HSPH1: variants seen among roughly 807,000 people sequenced by gnomAD.
The protein encoded by HSPH1 is heat shock protein family H (Hsp110) member 1, also known as heat shock protein 105 kDa.
In HSPH1, 40 loss-of-function variants were observed where a neutral mutation model predicts 100.0. That is an observed-to-expected ratio of 0.40 (90% CI 0.31 to 0.52). The LOEUF (loss-of-function observed/expected upper bound fraction) is 0.52, where lower values mean the gene tolerates loss of function less well. Among genes scored for constraint, HSPH1 ranks in the 20% least tolerant of loss-of-function variants. The probability of loss-of-function intolerance (pLI) is 0.54; values close to 1 mark genes in which losing one functional copy is unlikely to be tolerated. For synonymous variants in HSPH1, 403 were observed against 344.0 expected, an observed-to-expected ratio of 1.17 and a Z score of -1.90; for missense variants, 876 against 1,015.1, an observed-to-expected ratio of 0.86 and a Z score of 1.86.
chr13:31,159,839 A>T (rs1000463119), intron 1 of HSPH1, among the ~76,000 whole-genome samples: 7 of 152,158 alleles, frequency 4.6e-5, no homozygotes, highest in Non-Finnish European at 1.0e-4. Flanking sequence ...ATAAAATAGC[A>T]TCCTAAAAGC....
chr13:31,152,482 A>T (rs1052949986), intron 5 of HSPH1: 1 of 214,666 alleles, frequency 4.7e-6, no homozygotes, highest in Non-Finnish European at 9.3e-6. Context: ...TTCAGTAGAT[A>T]AAAAAAAATT....
At chr13:31,160,973 C>T (rs1956879582) in intron 1 of HSPH1, among the ~76,000 whole-genome samples, 1 of 152,188 alleles carries the variant, frequency 6.6e-6, no homozygotes, top group Non-Finnish European at 1.5e-5. Context: ...CAGTTCATTT[C>T]GAGATTCACA....
At chr13:31,147,296 C>T (rs1241481203) in intron 10 of HSPH1, among the ~76,000 whole-genome samples, 1 of 152,078 alleles carries the variant, frequency 6.6e-6, no homozygotes, top group Non-Finnish European at 1.5e-5. Context: ...AACATTTTAG[C>T]CTTTAAAGTA....
intron 1 of HSPH1, among the ~76,000 whole-genome samples, chr13:31,161,086 G>A (rs1183703084): frequency 1.3e-5 from 2 of 152,240 alleles, no homozygotes; most frequent in Non-Finnish European, 2.9e-5. Flanking sequence ...AGAGAGGCCG[G>A]GTGGGGATAC....
At chr13:31,156,218 G>A (rs1372724989) in intron 2 of HSPH1, among the ~76,000 whole-genome samples, 1 of 152,038 alleles carries the variant, frequency 6.6e-6, no homozygotes, top group Non-Finnish European at 1.5e-5. Flanking sequence ...GTGAAACCCC[G>A]TCTCTACTAA....
chr13:31,146,987 T>C (rs1003958254), intron 10 of HSPH1, among the ~76,000 whole-genome samples: 41 of 152,208 alleles, frequency 2.7e-4, no homozygotes, highest in African/African-American at 9.4e-4. Flanking sequence ...CCTTGATTAA[T>C]TGTCAAATCA....
At chr13:31,152,723 A>C (rs762957053) in intron 5 of HSPH1, 129 bp downstream of exon 5, 8 of 636,530 alleles carry the variant, frequency 1.3e-5, no homozygotes, top group Non-Finnish European at 2.0e-5. Context: ...TAAGAGGTAG[A>C]CTTTTGTTTT....
At chr13:31,157,838 A>G (rs1350004340) in intron 2 of HSPH1, among the ~76,000 whole-genome samples, 1 of 152,204 alleles carries the variant, frequency 6.6e-6, no homozygotes, top group Non-Finnish European at 1.5e-5. Flanking sequence ...GTAAGAGATT[A>G]GATTAATTTC....
intron 1 of HSPH1, among the ~76,000 whole-genome samples, chr13:31,159,583 G>T (rs543238470): frequency 2.6e-5 from 4 of 152,290 alleles, no homozygotes; most frequent in African/African-American, 4.8e-5. Flanking sequence ...GCAGAGACTA[G>T]CTTAAAAAGT....
At chr13:31,155,470 T>G in intron 3 of HSPH1, 44 bp downstream of exon 3, 1 of 1,467,906 alleles carries the variant, frequency 6.8e-7, no homozygotes, top group Non-Finnish European at 9.3e-7. Context: ...TATTTTTAAG[T>G]ATTAATAAGT....
At chr13:31,157,422 C>T (rs1187194842) in intron 2 of HSPH1, among the ~76,000 whole-genome samples, 2 of 152,184 alleles carry the variant, frequency 1.3e-5, no homozygotes, top group Non-Finnish European at 1.5e-5. Flanking sequence ...TTAAATCCAA[C>T]CTACATATTC....
At chr13:31,160,768 C>G (rs1245938577) in intron 1 of HSPH1, among the ~76,000 whole-genome samples, 1 of 152,118 alleles carries the variant, frequency 6.6e-6, no homozygotes, top group African/African-American at 2.4e-5. Flanking sequence ...TACAATTCCT[C>G]ATGAATGGCA....
chr13:31,144,718 A>G (rs964176841), intron 11 of HSPH1, among the ~76,000 whole-genome samples: 1 of 152,154 alleles, frequency 6.6e-6, no homozygotes, highest in African/African-American at 2.4e-5. Context: ...TAAGATAGAC[A>G]CTGAAGTATT....
At chr13:31,159,866 C>T (rs115570813) in intron 1 of HSPH1, among the ~76,000 whole-genome samples, 2 of 152,062 alleles carry the variant, frequency 1.3e-5, no homozygotes, top group South Asian at 2.1e-4. Context: ...AGTGTCCAAG[C>T]AGAAGCTAGA....
In HSPH1 at chr13:31,151,665, T is replaced by C. The variant is rs1456708932; in HGVS notation, c.607A>G (p.Met203Val). The change falls in exon 6 of 18, where the codon ATG becomes GTG. Residue 203 changes from methionine to valine, a missense_variant. Met to Val is a conservative substitution (Grantham distance 21). Coordinates refer to ENST00000320027, the MANE Select transcript of HSPH1 (RefSeq NM_006644.4). ...EKPRIVVFVD[M>V]GHSAFQVSAC... ...GACACTTGAAAAGCTGAATGTCCCA[T>C]ATCAACAAAAACCACTATCCGAGGT... The C allele has an allele frequency of 1.9e-6, 3 of 1,613,056 alleles. No individual in the cohort carries two copies. The highest frequency in any genetic ancestry group is 2.2e-5 in the East Asian group (1 of 44,830).
intron 3 of HSPH1, 132 bp from the exon 4 acceptor site, chr13:31,154,887 A>C (rs1330888048): frequency 1.4e-6 from 1 of 730,696 alleles, no homozygotes; most frequent in Non-Finnish European, 2.1e-6. Flanking sequence ...TTTTGGGAAG[A>C]AGGAAGAAAA....
At position 31,161,777 on chromosome 13, in the gene HSPH1, G is replaced by A. The variant is rs56214404; in HGVS notation, c.-195C>T. The A allele has an allele frequency of 3.2e-5, 48 of 1,502,464 alleles. 1 individual carries two copies. Among genetic ancestry groups the A allele is most frequent in the Admixed American group, 3.0e-4 (14 of 46,734 alleles). The allele number at this position is 1,502,464 out of a possible 1,614,324, so 93.1% of individuals were successfully genotyped here. A position where few individuals can be genotyped will look rare whatever the true frequency, so the allele number is the denominator to read the frequency against. Reference sequence around the variant, plus strand: ...AGCCTCCTACTCCCCCGGGGACAGCGGCGGCTGGCTGATAAGAAACCCTGG... The same window carrying A: ...AGCCTCCTACTCCCCCGGGGACAGCAGCGGCTGGCTGATAAGAAACCCTGG... On this transcript the variant is annotated 5_prime_UTR_variant, in exon 1 of 18. Transcript: ENST00000320027.
chr13:31,149,687 T>C (rs1289209809), intron 8 of HSPH1, among the ~76,000 whole-genome samples: 7 of 152,210 alleles, frequency 4.6e-5, no homozygotes. Flanking sequence ...CTAATTAGTG[T>C]TTCAGCTGTG....
At chr13:31,154,804 C>T in intron 3 of HSPH1, 49 bp from the exon 4 acceptor site, 1 of 1,527,116 alleles carries the variant, frequency 6.5e-7, no homozygotes. Context: ...CTTTAAGCTA[C>T]ATGCCAATAT....
Sources: allele counts gnomAD v4.1 joint callset (sites outside exome capture counted in the v4.1 genomes callset), GRCh38; gene constraint gnomAD v4.1.1; transcripts MANE v1.5; gene names NCBI Gene and HGNC (gene_info 2026-07-23, HGNC 2026-07-21).